The following XRN1 variants were observed in gnomAD, a reference collection of about 807,000 sequenced individuals.
XRN1 encodes the protein 5'-3' exoribonuclease 1.
Under a neutral mutation model 222.3 loss-of-function variants are expected in XRN1, and 67 were observed. That is an observed-to-expected ratio of 0.30 (90% CI 0.25 to 0.37). XRN1 has a LOEUF of 0.37. Ranked by LOEUF, XRN1 falls within the 10% of genes least tolerant of loss-of-function variation. The probability of loss-of-function intolerance (pLI) is 1.00; values close to 1 mark genes in which losing one functional copy is unlikely to be tolerated. For synonymous variants in XRN1, 643 were observed against 652.4 expected, an observed-to-expected ratio of 0.99 and a Z score of 0.22; for missense variants, 1,707 against 2,000.2, an observed-to-expected ratio of 0.85 and a Z score of 2.80.
intron 27 of XRN1, among the ~76,000 whole-genome samples, chr3:142,368,193 G>A (rs148146473): frequency 0.021 from 3,247 of 151,954 alleles, 49 homozygotes; most frequent in Middle Eastern, 0.037. Flanking sequence ...CTGTTGCCCA[G>A]GCTGGAGTAC....
At chr3:142,376,256 T>C (rs1285061050) in intron 24 of XRN1, 5 of 642,628 alleles carry the variant, frequency 7.8e-6, no homozygotes, top group African/African-American at 1.8e-5. Context: ...GATACCTTTT[T>C]TCAAGGTTCA....
intron 33 of XRN1, among the ~76,000 whole-genome samples, chr3:142,344,553 G>A (rs2066086041): frequency 6.6e-6 from 1 of 151,640 alleles, no homozygotes; most frequent in Admixed American, 6.6e-5. Flanking sequence ...AAAAAATTAG[G>A]GCTAATAAAC....
chr3:142,373,564 G>C (rs1404611862), intron 25 of XRN1, among the ~76,000 whole-genome samples: 1 of 152,164 alleles, frequency 6.6e-6, no homozygotes, highest in Non-Finnish European at 1.5e-5. Context: ...AAAAGCACCA[G>C]TAAAGGAAAG....
chr3:142,413,291 A>T (rs1283122376), intron 14 of XRN1, among the ~76,000 whole-genome samples: 2 of 152,242 alleles, frequency 1.3e-5, no homozygotes, highest in African/African-American at 2.4e-5. Context: ...TGGCATGGGC[A>T]CTGTACGATA....
chr3:142,311,926 T>A (rs1222107736), intron 40 of XRN1, 113 bp from the exon 41 acceptor site: 6 of 1,051,866 alleles, frequency 5.7e-6, no homozygotes, highest in Admixed American at 2.8e-5. Context: ...AGCTGATCTG[T>A]GACTTCCACT....
chr3:142,420,694 T>C (rs977256779), intron 10 of XRN1, among the ~76,000 whole-genome samples: 8 of 152,160 alleles, frequency 5.3e-5, no homozygotes, highest in Non-Finnish European at 1.0e-4. Flanking sequence ...TTTAATAACA[T>C]GTTTTAAGTA....
At chr3:142,365,452 T>C (rs1270076711) in intron 27 of XRN1, 86 bp from the exon 28 acceptor site, 10 of 1,011,952 alleles carry the variant, frequency 9.9e-6, no homozygotes, top group Admixed American at 3.3e-5. Context: ...ATGTCTGAAT[T>C]TTAAAAAGCC....
Position 142,311,340 on chromosome 3 carries a change from C to T in XRN1, c.*171G>A. ...CATACTTAAAGTGCACAATTTGATA[C>T]ACAGTCTTTTAAACAGCATGAAAAG... On this transcript the variant is annotated 3_prime_UTR_variant, in exon 41 of 41. Coordinates refer to ENST00000392981, the MANE Select transcript of XRN1 (RefSeq NM_001282857.2). 1.9e-6 allele frequency: 1 copy of T among 530,102 alleles called. No individual in the cohort carries two copies. Among genetic ancestry groups the T allele is most frequent in the Non-Finnish European group, 3.1e-6 (1 of 319,522 alleles). The allele number at this position is 530,102 out of a possible 1,614,324, so 32.8% of individuals were successfully genotyped here. A position where few individuals can be genotyped will look rare whatever the true frequency, so the allele number is the denominator to read the frequency against.
In XRN1 at chr3:142,311,835, C is replaced by T. The variant is rs748982757; in HGVS notation, c.4783-22G>A. ...TAACCTGTTAGGAATAAAAGCATCA[C>T]TAATTAATAATGTAGGCAAAAAATT... On this transcript the variant is annotated intron_variant, in intron 40 of 40. Coordinates refer to ENST00000392981, the MANE Select transcript of XRN1 (RefSeq NM_001282857.2). 4.5e-6 allele frequency: 7 copies of T among 1,541,118 alleles called. No individual in the cohort carries two copies. The South Asian group carries it at 8.9e-5, about 20-fold the overall frequency.
chr3:142,400,561 C>A lies in XRN1; in HGVS notation c.2104-14G>T, dbSNP rs1159884590. 7 of 1,587,840 alleles carry A rather than the reference C, an allele frequency of 4.4e-6. No homozygotes were observed. The Admixed American group carries it at 5.4e-5, about 12-fold the overall frequency. On this transcript the variant is annotated splice_polypyrimidine_tract_variant and intron_variant, in intron 18 of 40. Coordinates refer to ENST00000392981, the MANE Select transcript of XRN1 (RefSeq NM_001282857.2). ...ATTTTCTACGGTCTTAAAGTAAAAGCAAAAAAGTTCATTCATGATTTCAGG... is the reference window on the plus strand; with the variant it reads ...ATTTTCTACGGTCTTAAAGTAAAAGAAAAAAAGTTCATTCATGATTTCAGG...
Position 142,343,421 on chromosome 3 carries a change from T to G in XRN1, c.3877+3813A>C, listed in dbSNP as rs1453650448. 2.0e-5 allele frequency among the ~76,000 whole-genome samples: 3 copies of G among 148,614 alleles called. No individual in the cohort carries two copies. In the East Asian group the frequency reaches 6.0e-4, roughly 30 times the overall value. On this transcript the variant is annotated intron_variant, in intron 33 of 40. Coordinates refer to ENST00000392981, the MANE Select transcript of XRN1 (RefSeq NM_001282857.2). ...GTGAGCTGAGATCGCACCATTGCACTCCAGCCTGGGCAACAAGAGCGAAAT... is the reference window on the plus strand; with the variant it reads ...GTGAGCTGAGATCGCACCATTGCACGCCAGCCTGGGCAACAAGAGCGAAAT...
At chr3:142,344,317 G>A (rs2066079536) in intron 33 of XRN1, among the ~76,000 whole-genome samples, 1 of 152,060 alleles carries the variant, frequency 6.6e-6, no homozygotes, top group South Asian at 2.1e-4. Context: ...TTGCATGCCT[G>A]TAACAAAATA....
At chr3:142,416,836 A>G (rs1399840274) in intron 13 of XRN1, among the ~76,000 whole-genome samples, 1 of 151,962 alleles carries the variant, frequency 6.6e-6, no homozygotes, top group Non-Finnish European at 1.5e-5. Flanking sequence ...GTTCGAGACT[A>G]GCCTGGCCAA....
Position 142,404,956 on chromosome 3 carries a change from G to A in XRN1, c.1834C>T (p.Pro612Ser), listed in dbSNP as rs2068289074. The change falls in exon 16 of 41, where the codon CCT becomes TCT. Residue 612 changes from proline to serine, a missense_variant. Physicochemically the swap from Pro to Ser is moderately conservative, Grantham distance 74 (BLOSUM62 -1). Coordinates refer to ENST00000392981, the MANE Select transcript of XRN1 (RefSeq NM_001282857.2). The part of the protein sequence containing the change: ...WYDRDTEFIY[P>S]SPWPEKFPAI... ...GGGAACTTTTCTGGCCATGGAGAAG[G>A]ATAGATAAACTCTGTGTCTCTATCA... 1 of 1,613,864 alleles carries A rather than the reference G, an allele frequency of 6.2e-7. No homozygotes were observed. Among genetic ancestry groups the A allele is most frequent in the Non-Finnish European group, 8.5e-7 (1 of 1,179,920 alleles).
chr3:142,431,227 C>A (rs2069507579), intron 2 of XRN1, among the ~76,000 whole-genome samples: 3 of 152,170 alleles, frequency 2.0e-5, no homozygotes, highest in Admixed American at 2.0e-4. Context: ...AAACTTGTGA[C>A]AGAAAACAAA....
intron 2 of XRN1, among the ~76,000 whole-genome samples, chr3:142,431,053 A>T (rs1202096358): frequency 6.6e-6 from 1 of 152,222 alleles, no homozygotes; most frequent in Non-Finnish European, 1.5e-5. Flanking sequence ...CATCTAACCC[A>T]GAGTCTGGGC....
chr3:142,389,829 T>C (rs1559841708), intron 20 of XRN1, among the ~76,000 whole-genome samples: 1 of 152,218 alleles, frequency 6.6e-6, no homozygotes, highest in Non-Finnish European at 1.5e-5. Flanking sequence ...CAAAAATGTA[T>C]TTCTTAACTA....
In XRN1 at chr3:142,310,547, A is replaced by T. The variant is rs893804384; in HGVS notation, c.*964T>A. On this transcript the variant is annotated 3_prime_UTR_variant, in exon 41 of 41. Transcript: ENST00000392981. ...ACAAACTGATGACTGTGCCTCCTAT[A>T]TTGTAGCACACCTTGGAACTTAAAC... 1 of 152,762 alleles carries T rather than the reference A, an allele frequency of 6.5e-6. No individual in the cohort carries two copies. The highest frequency in any genetic ancestry group is 2.4e-5 in the African/African-American group (1 of 41,584). 9.5% of individuals were successfully genotyped at this position (152,762 alleles called of 1,614,324 possible).
rs551281090 is a variant in XRN1 at position 142,412,766 on chromosome 3, TAAGCA to T, written c.1594-108_1594-104del. 36 of 1,035,678 alleles carry T rather than the reference TAAGCA, an allele frequency of 3.5e-5. No individual in the cohort carries two copies. The East Asian group carries it at 7.8e-4, about 23-fold the overall frequency. 64.2% of individuals were successfully genotyped at this position (1,035,678 alleles called of 1,614,324 possible). ...TTTCCTCATGTTAGTTTAAAATTTC[TAAGCA>T]AAGCAAACTAAATTTTTGTACCTTT... is the stretch of plus-strand genomic sequence containing the variant. On this transcript the variant is annotated intron_variant, in intron 14 of 40. Coordinates refer to ENST00000392981, the MANE Select transcript of XRN1 (RefSeq NM_001282857.2).
Sources: gnomAD v4.1 joint callset for allele counts (sites outside exome capture counted in the v4.1 genomes callset) on GRCh38, gnomAD v4.1.1 for gene constraint, MANE v1.5 for transcripts, NCBI Gene and HGNC (gene_info 2026-07-23, HGNC 2026-07-21) for gene names.